RMDN2: variants seen among roughly 807,000 people sequenced by gnomAD.
RMDN2 encodes regulator of microtubule dynamics 2, also known as regulator of microtubule dynamics protein 2.
A neutral mutation model predicts 52.8 loss-of-function variants in RMDN2; 61 were observed. The ratio of observed to expected loss-of-function variants is 1.16; its 90% CI spans 0.94 to 1.43. The LOEUF (loss-of-function observed/expected upper bound fraction) is 1.43. RMDN2 is among the 40% of genes most tolerant of loss of function. The probability of loss-of-function intolerance (pLI) is 0.00; values close to 1 mark genes in which losing one functional copy is unlikely to be tolerated. For synonymous variants in RMDN2, 180 were observed against 153.1 expected (o/e 1.18, Z -1.30); for missense variants, 592 against 475.3 (o/e 1.25, Z -2.28).
chr2:37,947,888 C>A (rs1286423064), intron 2 of RMDN2, among the ~76,000 whole-genome samples: 4 of 152,248 alleles, frequency 2.6e-5, no homozygotes, highest in African/African-American at 9.6e-5. Context: ...CCCTTGTGCC[C>A]CCTACTTCTC....
At chr2:38,009,710 TGTCAGA>T (rs1272252965) in intron 10 of RMDN2, among the ~76,000 whole-genome samples, 1 of 152,214 alleles carries the variant, frequency 6.6e-6, no homozygotes, top group Non-Finnish European at 1.5e-5. Context: ...TCTCTCAACT[TGTCAGA>T]GTCATTCTCC....
At chr2:37,949,519 T>C (rs1383128170) in intron 2 of RMDN2, among the ~76,000 whole-genome samples, 1 of 152,192 alleles carries the variant, frequency 6.6e-6, no homozygotes, top group African/African-American at 2.4e-5. Flanking sequence ...CTTCTGTCTC[T>C]AACCCACGAA....
intron 10 of RMDN2, among the ~76,000 whole-genome samples, chr2:38,047,835 C>T (rs949173143): frequency 4.6e-5 from 7 of 152,296 alleles, no homozygotes; most frequent in Non-Finnish European, 7.4e-5. Flanking sequence ...GCTCTTCTTT[C>T]TCTTTTATCA....
At chr2:37,958,079 G>C (rs947196190) in intron 2 of RMDN2, among the ~76,000 whole-genome samples, 6 of 152,184 alleles carry the variant, frequency 3.9e-5, no homozygotes, top group African/African-American at 1.4e-4. Flanking sequence ...CAGGTAGTGT[G>C]ATGCCTCCAG....
intron 7 of RMDN2, among the ~76,000 whole-genome samples, chr2:37,992,938 C>G (rs951737232): frequency 6.6e-6 from 1 of 151,890 alleles, no homozygotes; most frequent in Non-Finnish European, 1.5e-5. Context: ...TTTCTTTGAC[C>G]AAGTCTCGCT....
chr2:37,936,819 A>G (rs1459468534), intron 2 of RMDN2, among the ~76,000 whole-genome samples: 1 of 152,320 alleles, frequency 6.6e-6, no homozygotes, highest in East Asian at 1.9e-4. Flanking sequence ...ATAGATTGCA[A>G]AAATTTTCTC....
At chr2:38,036,100 C>A (rs1257380798) in intron 10 of RMDN2, 2 of 152,006 alleles carry the variant, frequency 1.3e-5, no homozygotes, top group Admixed American at 6.6e-5. Flanking sequence ...TGATGTTGCC[C>A]AACTTGAAGA....
At chr2:37,979,274 G>C (rs1022822111) in intron 4 of RMDN2, among the ~76,000 whole-genome samples, 1 of 152,020 alleles carries the variant, frequency 6.6e-6, no homozygotes, top group Admixed American at 6.6e-5. Flanking sequence ...TAAGATGAAG[G>C]CTGCACAACA....
chr2:37,982,648 T>C (rs1463378300), intron 5 of RMDN2, among the ~76,000 whole-genome samples: 10 of 152,308 alleles, frequency 6.6e-5, no homozygotes, highest in Admixed American at 4.6e-4. Context: ...GCTTTAGGGA[T>C]TGGAGTACCT....
Position 38,060,215 on chromosome 2 carries a change from G to A in RMDN2, c.1714-6767G>A, listed in dbSNP as rs377301257. ...CAGCCTTGGCCTCCCAAAGTGCTGG[G>A]ATTACAGGCATGAGCCACCACACCC... is the stretch of plus-strand genomic sequence containing the variant. On this transcript the variant is annotated intron_variant, in intron 10 of 10. Coordinates refer to the RMDN2 transcript ENST00000234195. 3.3e-5 allele frequency among the ~76,000 whole-genome samples: 5 copies of A among 152,044 alleles called. No homozygotes were observed. In the East Asian group the frequency reaches 7.7e-4, roughly 24 times the overall value.
intron 10 of RMDN2, chr2:38,029,973 A>G (rs565474142): frequency 6.6e-6 from 1 of 152,286 alleles, no homozygotes; most frequent in Non-Finnish European, 1.5e-5. Flanking sequence ...TTTGCCTTAT[A>G]AAACCATGAG....
At chr2:38,038,506 T>G (rs1035379281) in intron 10 of RMDN2, among the ~76,000 whole-genome samples, 1 of 152,122 alleles carries the variant, frequency 6.6e-6, no homozygotes, top group African/African-American at 2.4e-5. Flanking sequence ...TCAGGCCCGG[T>G]TACCGCTGCC....
intron 10 of RMDN2, among the ~76,000 whole-genome samples, chr2:38,049,662 T>A (rs1681472300): frequency 6.6e-6 from 1 of 152,140 alleles, no homozygotes. Context: ...AGCCTCAAAC[T>A]CATGGGCTCA....
chr2:37,933,419 G>A (rs200687627), intron 2 of RMDN2, among the ~76,000 whole-genome samples: 52,165 of 151,982 alleles, frequency 0.34, 10,240 homozygotes, highest in East Asian at 0.66. Context: ...GCCAAGGCAG[G>A]CGGCTGGGAG....
intron 7 of RMDN2, among the ~76,000 whole-genome samples, chr2:37,994,222 A>G (rs1350383060): frequency 6.6e-6 from 1 of 152,250 alleles, no homozygotes; most frequent in Admixed American, 6.5e-5. Context: ...GAAATGTGGG[A>G]TACAGAATAT....
intron 2 of RMDN2, among the ~76,000 whole-genome samples, chr2:37,963,902 G>GCA (rs1392663787): frequency 8.2e-6 from 1 of 122,622 alleles, no homozygotes; most frequent in South Asian, 3.0e-4. Flanking sequence ...CGGGGCAGAG[G>GCA]CGCCCCCCCA....
At chr2:38,004,847 A>T (rs1414850352) in intron 10 of RMDN2, among the ~76,000 whole-genome samples, 28 of 136,056 alleles carry the variant, frequency 2.1e-4, no homozygotes, top group Non-Finnish European at 3.5e-4. Flanking sequence ...ATCCCTCCCC[A>T]CTCCCCCCAC....
At chr2:37,971,881 A>C (rs967807382) in intron 2 of RMDN2, among the ~76,000 whole-genome samples, 5 of 152,194 alleles carry the variant, frequency 3.3e-5, no homozygotes, top group African/African-American at 1.2e-4. Context: ...ATTCTACAAA[A>C]ATTCCTATTA....
rs1472815332 is a variant in RMDN2, at chr2:37,951,652, C to G, written c.452+21923C>G. ...TACAAGAGTGCCATTTTTTTTGATC[C>G]TCAAGCAAGTGGCCAGAATGTGTTT... On this transcript the variant is annotated intron_variant, in intron 2 of 10. Transcript: ENST00000354545. The G allele has an allele frequency of 5.0e-6, 8 of 1,612,970 alleles. No homozygotes were observed. The highest frequency in any genetic ancestry group is 6.8e-6 in the Non-Finnish European group (8 of 1,179,512).
Sources: allele counts gnomAD v4.1 joint callset (sites outside exome capture counted in the v4.1 genomes callset), GRCh38; gene constraint gnomAD v4.1.1; transcripts MANE v1.5; gene names NCBI Gene and HGNC (gene_info 2026-07-23, HGNC 2026-07-21).